The following VWA3A variants were observed in gnomAD, a reference collection of about 807,000 sequenced individuals.
VWA3A encodes von Willebrand factor A domain containing 3A, also known as von Willebrand factor A domain-containing protein 3A.
In VWA3A, 134 loss-of-function variants were observed where a neutral mutation model predicts 160.4. The ratio of observed to expected loss-of-function variants is 0.84; its 90% CI spans 0.73 to 0.96. The LOEUF (loss-of-function observed/expected upper bound fraction) is 0.96. Ranked by LOEUF, VWA3A falls within the 40% of genes least tolerant of loss-of-function variation. The pLI is 0.00. For synonymous variants in VWA3A, 476 were observed against 543.4 expected, an observed-to-expected ratio of 0.88 and a Z score of 1.72; for missense variants, 1,310 against 1,447.9, an observed-to-expected ratio of 0.90 and a Z score of 1.55.
chr16:22,132,771 T>C, intron 19 of VWA3A, 129 bp from the exon 20 acceptor site: 1 of 859,142 alleles, frequency 1.2e-6, no homozygotes. Flanking sequence ...TCTCTTTCCA[T>C]CCTTGTGCCA....
In VWA3A at chr16:22,134,365, C is replaced by T; in HGVS notation, c.2069-3C>T. On this transcript the variant is annotated splice_region_variant and splice_polypyrimidine_tract_variant and intron_variant, in intron 20 of 33. Transcript: ENST00000389398. ...CCTTGCTCACGATGTGCTTTGTTTC[C>T]AGGCATTTATGAGAGCGATGACATC... The T allele has an allele frequency of 6.3e-7, 1 of 1,594,586 alleles. No individual in the cohort carries two copies. The highest frequency in any genetic ancestry group is 8.5e-7 in the Non-Finnish European group (1 of 1,170,034).
intron 6 of VWA3A, among the ~76,000 whole-genome samples, chr16:22,107,806 T>C (rs1349084696): frequency 6.6e-6 from 1 of 152,120 alleles, no homozygotes; most frequent in Non-Finnish European, 1.5e-5. Context: ...GGGATGGTGA[T>C]GCTGTCAGCC....
chr16:22,149,642 C>A, intron 28 of VWA3A, 145 bp from the exon 29 acceptor site: 1 of 1,019,982 alleles, frequency 9.8e-7, no homozygotes. Flanking sequence ...TGAGGGGCCA[C>A]AGGGCTCGTT....
intron 21 of VWA3A, among the ~76,000 whole-genome samples, chr16:22,136,721 C>G (rs920509495): frequency 6.6e-6 from 1 of 151,950 alleles, no homozygotes; most frequent in African/African-American, 2.4e-5. Flanking sequence ...CAAAAGGGAC[C>G]CTTTTGGTGC....
At chr16:22,097,064 C>T in intron 2 of VWA3A, 119 bp downstream of exon 2, 1 of 641,042 alleles carries the variant, frequency 1.6e-6, no homozygotes, top group Non-Finnish European at 2.6e-6. Flanking sequence ...CCTCCGGGTT[C>T]ATGCCATTCC....
chr16:22,107,669 C>T (rs1255002148), intron 6 of VWA3A, among the ~76,000 whole-genome samples: 2 of 152,150 alleles, frequency 1.3e-5, no homozygotes, highest in African/African-American at 4.8e-5. Context: ...TCACTTGAGC[C>T]CAGGAGTTCC....
rs1005207309 is a variant in VWA3A, at chr16:22,131,219, T to C, written c.1667T>C (p.Ile556Thr). The change falls in exon 18 of 34, where the codon ATT (isoleucine) becomes ACT (threonine). Residue 556 changes from isoleucine to threonine, a missense_variant. Physicochemically the swap from Ile to Thr is moderately conservative, Grantham distance 89. Coordinates refer to ENST00000389398, the MANE Select transcript of VWA3A (RefSeq NM_173615.5). ...CFNLIAFGST[I>T]ESWRPEMVPV... Reference sequence around the variant, plus strand: ...GCTTCTTAAAGGTTTGGAAGCACAATTGAAAGCTGGAGGCCTGAGATGGTT... The same window carrying C: ...GCTTCTTAAAGGTTTGGAAGCACAACTGAAAGCTGGAGGCCTGAGATGGTT... The C allele has an allele frequency of 1.9e-6, 3 of 1,613,940 alleles. No individual in the cohort carries two copies. Among genetic ancestry groups the C allele is most frequent in the South Asian group, 1.1e-5 (1 of 91,032 alleles).
intron 9 of VWA3A, 145 bp from the exon 10 acceptor site, chr16:22,116,614 A>G: frequency 1.5e-6 from 1 of 677,320 alleles, no homozygotes; most frequent in South Asian, 1.7e-5. Context: ...CAGTCCACCT[A>G]GCCCTGCATG....
At chr16:22,110,082 G>C (rs2045532063) in intron 7 of VWA3A, among the ~76,000 whole-genome samples, 1 of 152,132 alleles carries the variant, frequency 6.6e-6, no homozygotes, top group African/African-American at 2.4e-5. Flanking sequence ...TCAAATCCCA[G>C]CCACCTCCAC....
At chr16:22,098,506 A>G (rs2045359319) in intron 3 of VWA3A, among the ~76,000 whole-genome samples, 1 of 152,300 alleles carries the variant, frequency 6.6e-6, no homozygotes, top group South Asian at 2.1e-4. Context: ...TCCCAGGTGT[A>G]GACAGGATCA....
intron 8 of VWA3A, among the ~76,000 whole-genome samples, chr16:22,111,736 G>T (rs908914035): frequency 3.3e-5 from 5 of 152,108 alleles, no homozygotes; most frequent in Admixed American, 2.0e-4. Flanking sequence ...ACCCACCTCA[G>T]CCTCCCAAAG....
chr16:22,134,264 GC>G lies in VWA3A; in HGVS notation c.2069-101del, dbSNP rs1598088558. The stretch of plus-strand genomic sequence containing the variant: ...TTACAGGAGTAAGCCACCATTCCCA[GC>G]CCTCAAGTCACCTCCAGGTGGCTTT... On this transcript the variant is annotated intron_variant, in intron 20 of 33. Coordinates refer to ENST00000389398, the MANE Select transcript of VWA3A (RefSeq NM_173615.5). 20 of 896,038 alleles carry G rather than the reference GC, an allele frequency of 2.2e-5. No homozygotes were observed. In the East Asian group the frequency reaches 5.5e-4, roughly 25 times the overall value. The allele number at this position is 896,038 out of a possible 1,614,324, so 55.5% of individuals were successfully genotyped here. A position where few individuals can be genotyped will look rare whatever the true frequency, so the allele number is the denominator to read the frequency against.
intron 1 of VWA3A, among the ~76,000 whole-genome samples, chr16:22,094,865 G>T (rs970811445): frequency 5.3e-5 from 8 of 151,814 alleles, no homozygotes; most frequent in Non-Finnish European, 1.0e-4. Context: ...TATGTGGGAG[G>T]CTAAGGCAGG....
chr16:22,115,507 A>G (rs559054673), intron 9 of VWA3A, 35 bp downstream of exon 9: 3 of 1,574,978 alleles, frequency 1.9e-6, no homozygotes, highest in Admixed American at 3.8e-5. Flanking sequence ...GACATACTAC[A>G]TGAAAAGGAC....
At chr16:22,110,860 G>A in intron 7 of VWA3A, 28 bp from the exon 8 acceptor site, 1 of 1,576,648 alleles carries the variant, frequency 6.3e-7, no homozygotes, top group African/African-American at 1.3e-5. Context: ...CTGGCTGTGG[G>A]AGCCAGTGAT....
intron 9 of VWA3A, chr16:22,116,348 A>G: frequency 2.2e-6 from 1 of 445,038 alleles, no homozygotes. Flanking sequence ...GAAAGAAAAA[A>G]GAAAAGGAAG....
In VWA3A at chr16:22,152,566, T is replaced by G. The variant is rs1348574559; in HGVS notation, c.3337T>G (p.Cys1113Gly). The G allele has an allele frequency of 4.3e-6, 7 of 1,612,408 alleles. No individual in the cohort carries two copies. ...TTCCTTCACCGGCGGACGCTATCAC[T>G]GCCCTGTGGGTGAGGACACACTCTC... ...LASFTGGRYH[C>G]PVGEDTLSKI... The change falls in exon 31 of 34, where the codon TGC becomes GGC. Residue 1113 changes from cysteine to glycine, a missense_variant. Coordinates refer to ENST00000389398, the MANE Select transcript of VWA3A (RefSeq NM_173615.5).
chr16:22,135,420 A>C (rs1567216898), intron 21 of VWA3A, among the ~76,000 whole-genome samples: 2 of 152,290 alleles, frequency 1.3e-5, no homozygotes, highest in Admixed American at 6.5e-5. Context: ...AATATGCCTC[A>C]CCGTAATTTG....
intron 31 of VWA3A, 149 bp downstream of exon 31, chr16:22,152,783 C>A: frequency 8.3e-7 from 1 of 1,199,392 alleles, no homozygotes; most frequent in South Asian, 1.4e-5. Context: ...CATGAGCCAC[C>A]ACGCCCATCC....
Sources: allele counts gnomAD v4.1 joint callset (sites outside exome capture counted in the v4.1 genomes callset), GRCh38; gene constraint gnomAD v4.1.1; transcripts MANE v1.5; gene names NCBI Gene and HGNC (gene_info 2026-07-23, HGNC 2026-07-21).